Variants in NEGR1 observed in about 807,000 individuals in gnomAD.
The protein encoded by NEGR1 is neuronal growth regulator 1, also known as IgLON family member 4.
NEGR1 carries 10 observed loss-of-function variants against 40.9 expected under a neutral mutation model. The ratio of observed to expected loss-of-function variants is 0.24; its 90% confidence interval spans 0.15 to 0.42. The LOEUF is 0.42. Ranked by LOEUF, NEGR1 falls within the 10% of genes least tolerant of loss-of-function variation. The pLI, the probability that NEGR1 is intolerant of heterozygous loss-of-function variation, is 1.00. For synonymous variants in NEGR1, 185 were observed against 166.8 expected, an observed-to-expected ratio of 1.11 and a Z score of -0.84; for missense variants, 352 against 438.9, an observed-to-expected ratio of 0.80 and a Z score of 1.77.
intron 6 of NEGR1, among the ~76,000 whole-genome samples, chr1:71,443,232 C>T (rs2101315982): frequency 6.6e-6 from 1 of 152,170 alleles, no homozygotes; most frequent in Middle Eastern, 3.4e-3. Flanking sequence ...TTTGGGGATA[C>T]AATGGGTGTT....
chr1:71,993,803 G>A (rs1017196272), intron 1 of NEGR1, among the ~76,000 whole-genome samples: 2 of 151,810 alleles, frequency 1.3e-5, no homozygotes, highest in Non-Finnish European at 2.9e-5. Flanking sequence ...TTATCAAGTG[G>A]TAGATCTGAA....
At chr1:71,863,833 A>G (rs1222294212) in intron 2 of NEGR1, among the ~76,000 whole-genome samples, 1 of 152,170 alleles carries the variant, frequency 6.6e-6, no homozygotes, top group Non-Finnish European at 1.5e-5. Context: ...CATAATGAAC[A>G]AGAGGACTGT....
In NEGR1 at chr1:72,117,079, A is replaced by G. The variant is rs527798866; in HGVS notation, c.176+165240T>C. On this transcript the variant is annotated intron_variant, in intron 1 of 6. Coordinates refer to ENST00000357731, the MANE Select transcript of NEGR1 (RefSeq NM_173808.3). Reference sequence around the variant, plus strand: ...AGTGATGGCACTGCAAGCCATTTTAAGCTTAATCTAGTTCTTCCCTCTGTT... The same window carrying G: ...AGTGATGGCACTGCAAGCCATTTTAGGCTTAATCTAGTTCTTCCCTCTGTT... Among the ~76,000 whole-genome samples, 218 of 151,848 alleles carry G rather than the reference A, an allele frequency of 1.4e-3. 1 individual carries two copies. The highest frequency in any genetic ancestry group is 5.1e-3 in the African/African-American group (211 of 41,502).
At chr1:72,087,131 A>C (rs2100537569) in intron 1 of NEGR1, among the ~76,000 whole-genome samples, 1 of 152,244 alleles carries the variant, frequency 6.6e-6, no homozygotes, top group African/African-American at 2.4e-5. Context: ...TTAGAATATT[A>C]TGACTAGGCC....
chr1:72,186,504 G>T (rs1263532886), intron 1 of NEGR1, among the ~76,000 whole-genome samples: 1 of 151,466 alleles, frequency 6.6e-6, no homozygotes, highest in Admixed American at 6.6e-5. Context: ...TGGGCCAGAT[G>T]ATATGGTACC....
chr1:72,017,489 G>A (rs3128548), intron 1 of NEGR1, among the ~76,000 whole-genome samples: 51,347 of 151,808 alleles, frequency 0.34, 10,433 homozygotes, highest in African/African-American at 0.57. Context: ...TATTTGTTGA[G>A]TGAATGGATA....
chr1:71,555,089 C>A (rs1264672625), intron 6 of NEGR1, among the ~76,000 whole-genome samples: 1 of 151,572 alleles, frequency 6.6e-6, no homozygotes, highest in East Asian at 2.0e-4. Flanking sequence ...CAATTTGAGA[C>A]AATGAGTTAC....
chr1:71,729,796 C>T (rs1285149914), intron 3 of NEGR1, among the ~76,000 whole-genome samples: 1 of 151,142 alleles, frequency 6.6e-6, no homozygotes, highest in Non-Finnish European at 1.5e-5. Context: ...CACCATCATG[C>T]CTGGCTAATT....
At chr1:71,977,897 C>T (rs557481970) in intron 1 of NEGR1, among the ~76,000 whole-genome samples, 10 of 152,074 alleles carry the variant, frequency 6.6e-5, no homozygotes, top group East Asian at 1.9e-4. Flanking sequence ...TCGCTCTCTG[C>T]CAGAATAAAT....
intron 6 of NEGR1, among the ~76,000 whole-genome samples, chr1:71,413,085 C>G (rs1475812719): frequency 3.3e-5 from 5 of 152,164 alleles, no homozygotes; most frequent in Non-Finnish European, 7.4e-5. Flanking sequence ...CCCTTTCTAA[C>G]TGGACTAACC....
At chr1:71,470,885 C>A in intron 6 of NEGR1, among the ~76,000 whole-genome samples, 1 of 152,198 alleles carries the variant, frequency 6.6e-6, no homozygotes, top group East Asian at 1.9e-4. Flanking sequence ...ACTACCAACC[C>A]ACCCAGCTGT....
At chr1:71,915,131 A>G (rs1385477553) in intron 2 of NEGR1, among the ~76,000 whole-genome samples, 1 of 151,944 alleles carries the variant, frequency 6.6e-6, no homozygotes, top group South Asian at 2.1e-4. Context: ...AGGCTAGGAG[A>G]TGACTGGACT....
intron 4 of NEGR1, among the ~76,000 whole-genome samples, chr1:71,613,376 G>T (rs1465135682): frequency 1.3e-5 from 2 of 152,146 alleles, no homozygotes; most frequent in African/African-American, 4.8e-5. Flanking sequence ...GCTGTGTGCA[G>T]TGGCTCACAC....
At chr1:71,791,309 T>A (rs901686186) in intron 2 of NEGR1, among the ~76,000 whole-genome samples, 130 of 152,154 alleles carry the variant, frequency 8.5e-4, no homozygotes, top group African/African-American at 3.0e-3. Flanking sequence ...TTCTCAATAT[T>A]TTATTACATT....
chr1:72,123,914 G>T (rs1167417888), intron 1 of NEGR1, among the ~76,000 whole-genome samples: 1 of 151,980 alleles, frequency 6.6e-6, no homozygotes, highest in Non-Finnish European at 1.5e-5. Context: ...TGGCCTGGGG[G>T]ATGATTCTGT....
chr1:71,961,003 C>G (rs1646161390), intron 1 of NEGR1, among the ~76,000 whole-genome samples: 1 of 152,064 alleles, frequency 6.6e-6, no homozygotes, highest in Non-Finnish European at 1.5e-5. Context: ...TAATTTCTAA[C>G]TTTTCTACAA....
intron 4 of NEGR1, among the ~76,000 whole-genome samples, chr1:71,660,901 C>G (rs1417740115): frequency 6.6e-6 from 1 of 152,122 alleles, no homozygotes; most frequent in East Asian, 1.9e-4. Flanking sequence ...CTCTCTGTGC[C>G]CATATGATCT....
intron 1 of NEGR1, among the ~76,000 whole-genome samples, chr1:72,042,938 T>A (rs1646968746): frequency 6.6e-6 from 1 of 151,998 alleles, no homozygotes; most frequent in Admixed American, 6.6e-5. Context: ...CTAAAACTGT[T>A]TTGTGCTACA....
intron 3 of NEGR1, among the ~76,000 whole-genome samples, chr1:71,749,877 C>A (rs570113053): frequency 6.6e-6 from 1 of 152,258 alleles, no homozygotes; most frequent in Admixed American, 6.5e-5. Context: ...AATACAGAAG[C>A]AGTCACTATA....
Sources: gnomAD v4.1 joint callset for allele counts (sites outside exome capture counted in the v4.1 genomes callset) on GRCh38, gnomAD v4.1.1 for gene constraint, MANE v1.5 for transcripts, NCBI Gene and HGNC (gene_info 2026-07-23, HGNC 2026-07-21) for gene names.